The following RAB4B variants were observed in gnomAD, a reference collection of about 807,000 sequenced individuals.
RAB4B encodes the protein ras-related protein Rab-4B.
A neutral mutation model predicts 28.3 loss-of-function variants in RAB4B; 15 were observed. The observed-to-expected ratio is 0.53, with a 90% CI of 0.35 to 0.82. The LOEUF (loss-of-function observed/expected upper bound fraction) is 0.82, where lower values mean the gene tolerates loss of function less well. RAB4B is among the 40% of genes least tolerant of loss of function. The pLI is 0.01. For synonymous variants in RAB4B, 108 were observed against 116.3 expected, an observed-to-expected ratio of 0.93 and a Z score of 0.46; for missense variants, 244 against 288.5, an observed-to-expected ratio of 0.85 and a Z score of 1.12.
intron 7 of RAB4B, among the ~76,000 whole-genome samples, chr19:40,791,337 A>G (rs1001644672): frequency 1.3e-5 from 2 of 152,032 alleles, no homozygotes; most frequent in Non-Finnish European, 2.9e-5. Flanking sequence ...TAACACACAT[A>G]TCTGCTCCTG....
intron 3 of RAB4B, among the ~76,000 whole-genome samples, chr19:40,782,244 T>C (rs1216774892): frequency 6.6e-6 from 1 of 151,814 alleles, no homozygotes; most frequent in African/African-American, 2.4e-5. Context: ...TTACGGTGAG[T>C]GCTTAGTAAA....
intron 7 of RAB4B, chr19:40,794,624 C>T (rs1251518506): frequency 6.6e-6 from 1 of 152,068 alleles, no homozygotes. Context: ...CAAGACCCAC[C>T]AAACTGATTT....
At chr19:40,782,818 G>GTCAA (rs34532358) in intron 3 of RAB4B, among the ~76,000 whole-genome samples, 72,184 of 146,012 alleles carry the variant, frequency 0.49, 18,910 homozygotes, top group East Asian at 0.64. Context: ...ATCTCAATCA[G>GTCAA]TCAATCAATC....
chr19:40,795,745 T>C (rs534041498), intron 7 of RAB4B, among the ~76,000 whole-genome samples: 1 of 151,416 alleles, frequency 6.6e-6, no homozygotes, highest in African/African-American at 2.4e-5. Flanking sequence ...TTCGCTCTTG[T>C]TGCCCAGGTT....
At chr19:40,795,620 C>T (rs1329632920) in intron 7 of RAB4B, among the ~76,000 whole-genome samples, 1 of 151,710 alleles carries the variant, frequency 6.6e-6, no homozygotes, top group Non-Finnish European at 1.5e-5. Flanking sequence ...GCGGTCTGAA[C>T]TCCTGACCTT....
intron 3 of RAB4B, among the ~76,000 whole-genome samples, chr19:40,781,954 G>GAGCTTGC (rs1488507653): frequency 6.7e-6 from 1 of 150,348 alleles, no homozygotes; most frequent in Non-Finnish European, 1.5e-5. Context: ...CCAGAAGGCG[G>GAGCTTGC]AGCTTGCAGT....
At chr19:40,784,118 G>A (rs1446244068) in intron 5 of RAB4B, 43 bp downstream of exon 5, 1 of 1,562,604 alleles carries the variant, frequency 6.4e-7, no homozygotes, top group African/African-American at 1.4e-5. Context: ...GGGGTGGACA[G>A]TCCACAGGGA....
At chr19:40,779,181 G>C (rs2083024198) in intron 1 of RAB4B, 4 of 233,734 alleles carry the variant, frequency 1.7e-5, no homozygotes, top group Non-Finnish European at 2.8e-5. Flanking sequence ...TGTTTAAATA[G>C]CTTTCAAGAG....
intron 5 of RAB4B, 170 bp from the exon 6 acceptor site, chr19:40,786,495 G>C: frequency 1.1e-6 from 1 of 932,952 alleles, no homozygotes; most frequent in Non-Finnish European, 1.6e-6. Context: ...AGCTGGGTGG[G>C]CATATCGGGA....
intron 7 of RAB4B, among the ~76,000 whole-genome samples, chr19:40,789,103 C>T (rs2083132130): frequency 6.6e-6 from 1 of 151,696 alleles, no homozygotes; most frequent in Admixed American, 6.6e-5. Context: ...TCATGTTGGC[C>T]AGGCTGGTAT....
intron 1 of RAB4B, chr19:40,779,743 TCAAAAAAACAAAAACAACGA>T: frequency 1.5e-6 from 1 of 675,202 alleles, no homozygotes; most frequent in East Asian, 4.9e-5. Flanking sequence ...AAACTCTGTC[TCAAAAAAACAAAAACAACGA>T]CAAAAAAACC....
rs577908810 is a variant in RAB4B at position 40,793,281 on chromosome 19, C to T, written c.*16-3289C>T. On this transcript the variant is annotated intron_variant, in intron 7 of 7. Coordinates refer to ENST00000357052, the MANE Select transcript of RAB4B (RefSeq NM_016154.5). ...GAAGGGTCTCACTTTGTCACCCAGG[C>T]TGGAGTGCAGTGGCACCATCTCAGC... is the stretch of plus-strand genomic sequence containing the variant. Among the ~76,000 whole-genome samples the T allele has an allele frequency of 2.2e-3, 332 of 152,056 alleles. 2 individuals carry two copies. Among genetic ancestry groups the T allele is most frequent in the Admixed American group, 3.7e-3 (57 of 15,242 alleles).
chr19:40,793,486 C>T (rs180678062), intron 7 of RAB4B, among the ~76,000 whole-genome samples: 31 of 152,122 alleles, frequency 2.0e-4, no homozygotes, highest in Non-Finnish European at 4.0e-4. Flanking sequence ...AGTGATCCAC[C>T]CACCTCAGCC....
At chr19:40,793,572 GTTTTTT>G (rs373163247) in intron 7 of RAB4B, among the ~76,000 whole-genome samples, 2 of 125,412 alleles carry the variant, frequency 1.6e-5, no homozygotes, top group African/African-American at 3.2e-5. Context: ...TTTCTTTTTT[GTTTTTT>G]TTTTTTTTTT....
chr19:40,791,027 C>T (rs2083154512), intron 7 of RAB4B, among the ~76,000 whole-genome samples: 1 of 150,440 alleles, frequency 6.6e-6, no homozygotes, highest in South Asian at 2.1e-4. Flanking sequence ...GGCTAATTTT[C>T]TGTATTTTTA....
chr19:40,786,566 A>G (rs2083101047), intron 5 of RAB4B, 99 bp from the exon 6 acceptor site: 2 of 1,541,032 alleles, frequency 1.3e-6, no homozygotes, highest in Non-Finnish European at 8.8e-7. Context: ...GTAAGGGGGG[A>G]TGGAACATTG....
At chr19:40,785,099 C>T (rs951985364) in intron 5 of RAB4B, among the ~76,000 whole-genome samples, 1 of 151,898 alleles carries the variant, frequency 6.6e-6, no homozygotes, top group Non-Finnish European at 1.5e-5. Context: ...AGGCGTGAGA[C>T]ACTGCGCCCG....
At chr19:40,793,526 C>T (rs2083178119) in intron 7 of RAB4B, among the ~76,000 whole-genome samples, 1 of 151,790 alleles carries the variant, frequency 6.6e-6, no homozygotes, top group African/African-American at 2.4e-5. Context: ...CAGGTGGGAG[C>T]CACCATGCCT....
chr19:40,794,317 T>C (rs2083188068), intron 7 of RAB4B, among the ~76,000 whole-genome samples: 3 of 151,768 alleles, frequency 2.0e-5, no homozygotes, highest in African/African-American at 7.3e-5. Flanking sequence ...CCTCAGGTGA[T>C]CCGTCTGTCA....
Sources: allele counts gnomAD v4.1 joint callset (sites outside exome capture counted in the v4.1 genomes callset), GRCh38; gene constraint gnomAD v4.1.1; transcripts MANE v1.5; gene names NCBI Gene and HGNC (gene_info 2026-07-23, HGNC 2026-07-21).